USP12: variants seen among roughly 807,000 people sequenced by gnomAD.
USP12 encodes ubiquitin carboxyl-terminal hydrolase 12.
In USP12, 19 loss-of-function variants were observed where a neutral mutation model predicts 45.5. The observed-to-expected ratio is 0.42, with a 90% confidence interval of 0.29 to 0.61. The LOEUF (loss-of-function observed/expected upper bound fraction) is 0.61. Among genes scored for constraint, USP12 ranks in the 20% least tolerant of loss-of-function variants. The pLI is 0.22. For synonymous variants in USP12, 149 were observed against 148.8 expected, an observed-to-expected ratio of 1.00 and a Z score of -0.01; for missense variants, 242 against 447.7, an observed-to-expected ratio of 0.54 and a Z score of 4.15.
At position 27,067,756 on chromosome 13, in the gene USP12, C is replaced by T. The variant is rs1873063617; in HGVS notation, c.*1527G>A. 6.6e-6 allele frequency: 1 copy of T among 152,002 alleles called. No individual in the cohort carries two copies. The highest frequency in any genetic ancestry group is 2.4e-5 in the African/African-American group (1 of 41,394). 9.4% of individuals were successfully genotyped at this position (152,002 alleles called of 1,614,324 possible). A position where few individuals can be genotyped will look rare whatever the true frequency, so the allele number is the denominator to read the frequency against. On this transcript the variant is annotated 3_prime_UTR_variant, in exon 9 of 9. Transcript: ENST00000282344. ...ATGACAATTTTTTTTAAATTTACTG[C>T]CTGAAAAGAGTTTAATAAAGAACAT...
intron 6 of USP12, chr13:27,089,536 T>C (rs1874218079): frequency 5.6e-6 from 1 of 179,864 alleles, no homozygotes; most frequent in Non-Finnish European, 1.2e-5. Context: ...AAACTGGGGG[T>C]GTGGGGGATG....
chr13:27,118,207 G>A (rs1192663985), intron 1 of USP12, among the ~76,000 whole-genome samples: 1 of 151,768 alleles, frequency 6.6e-6, no homozygotes, highest in Non-Finnish European at 1.5e-5. Context: ...TGTTAGACAT[G>A]CATCTTCAAT....
At chr13:27,157,428 T>C (rs1355115607) in intron 1 of USP12, among the ~76,000 whole-genome samples, 1 of 152,200 alleles carries the variant, frequency 6.6e-6, no homozygotes, top group Non-Finnish European at 1.5e-5. Context: ...TCTCCCACTT[T>C]CCTTTACCCG....
At chr13:27,143,411 T>C (rs1255624395) in intron 1 of USP12, among the ~76,000 whole-genome samples, 3 of 152,100 alleles carry the variant, frequency 2.0e-5, no homozygotes, top group African/African-American at 7.2e-5. Flanking sequence ...CACTAGTTAA[T>C]GAGAAAAAGT....
At chr13:27,169,799 G>C (rs1472321991) in intron 1 of USP12, among the ~76,000 whole-genome samples, 3 of 152,164 alleles carry the variant, frequency 2.0e-5, no homozygotes, top group Admixed American at 6.5e-5. Context: ...TAAACACCAA[G>C]AAAACAGGGG....
At chr13:27,163,779 A>AAAG (rs1338447057) in intron 1 of USP12, among the ~76,000 whole-genome samples, 2 of 138,250 alleles carry the variant, frequency 1.4e-5, no homozygotes, top group African/African-American at 2.5e-5. Flanking sequence ...AAAAAAAAAA[A>AAAG]AAAAAAGAAA....
At chr13:27,126,481 A>G (rs1449444445) in intron 1 of USP12, among the ~76,000 whole-genome samples, 1 of 152,236 alleles carries the variant, frequency 6.6e-6, no homozygotes, top group Non-Finnish European at 1.5e-5. Context: ...GGGTATTTTC[A>G]TTATAGCTTT....
At chr13:27,103,759 AAAAG>A (rs1874993065) in intron 3 of USP12, among the ~76,000 whole-genome samples, 1 of 149,676 alleles carries the variant, frequency 6.7e-6, no homozygotes, top group Admixed American at 6.7e-5. Flanking sequence ...AAAAAAAAAA[AAAAG>A]AGAGAGAGAC....
chr13:27,078,586 A>G (rs1873601068), intron 6 of USP12, among the ~76,000 whole-genome samples: 1 of 151,890 alleles, frequency 6.6e-6, no homozygotes, highest in Admixed American at 6.6e-5. Flanking sequence ...CATACCATGT[A>G]AACACTAATC....
Position 27,105,934 on chromosome 13 carries a change from G to A in USP12, c.140C>T (p.Thr47Ile). The A allele has an allele frequency of 6.2e-7, 1 of 1,606,240 alleles. No homozygotes were observed. The highest frequency in any genetic ancestry group is 8.5e-7 in the Non-Finnish European group (1 of 1,177,904). ...TTGAAGAACTGAATTGCAGTAGCAG[G>A]TATTCCCAAACTGCAACAGAAAAAA... ...HYFGLVNFGNTCYCNSVLQAL... is the reference protein window; with the variant it reads ...HYFGLVNFGNICYCNSVLQAL... Residue 47 changes from threonine to isoleucine, a missense_variant, in exon 3 of 9, where the codon ACC becomes ATC. Coordinates refer to ENST00000282344, the MANE Select transcript of USP12 (RefSeq NM_182488.4).
intron 1 of USP12, among the ~76,000 whole-genome samples, chr13:27,167,443 T>C (rs974258358): frequency 5.3e-5 from 8 of 152,128 alleles, no homozygotes; most frequent in African/African-American, 1.7e-4. Flanking sequence ...AAAACTTCTA[T>C]TAATACTTCT....
At chr13:27,091,660 A>G (rs1406064211) in intron 4 of USP12, among the ~76,000 whole-genome samples, 2 of 152,206 alleles carry the variant, frequency 1.3e-5, no homozygotes, top group Non-Finnish European at 2.9e-5. Flanking sequence ...TCATCAGCAC[A>G]TGTGATAATA....
intron 3 of USP12, among the ~76,000 whole-genome samples, chr13:27,104,554 C>T (rs758502964): frequency 2.0e-5 from 3 of 152,108 alleles, no homozygotes; most frequent in Non-Finnish European, 2.9e-5. Context: ...AAAGTACATA[C>T]GTTTAGCTTT....
rs938770155 is a variant in USP12 at position 27,133,606 on chromosome 13, G to A, written c.49-17010C>T. ...ATCGCGCCACTGCGCTCCAGCCTGC[G>A]ACAGAGCAAGACTCTGTCTCAAAAA... On this transcript the variant is annotated intron_variant, in intron 1 of 8. Transcript: ENST00000282344. Among the ~76,000 whole-genome samples the A allele has an allele frequency of 5.1e-5, 7 of 137,256 alleles. No homozygotes were observed. In the South Asian group the frequency reaches 1.2e-3, roughly 23 times the overall value. The allele number at this position is 137,256 out of a possible 152,430, so 90.0% of individuals were successfully genotyped here. A position where few individuals can be genotyped will look rare whatever the true frequency, so the allele number is the denominator to read the frequency against.
At chr13:27,079,076 A>T (rs1593172409) in intron 6 of USP12, among the ~76,000 whole-genome samples, 1 of 152,050 alleles carries the variant, frequency 6.6e-6, no homozygotes, top group East Asian at 1.9e-4. Flanking sequence ...ACAGAACATC[A>T]CAAGGGAAAT....
chr13:27,087,043 T>C (rs1374185422), intron 6 of USP12, among the ~76,000 whole-genome samples: 1 of 151,904 alleles, frequency 6.6e-6, no homozygotes, highest in Non-Finnish European at 1.5e-5. Flanking sequence ...TGGGGCCAAA[T>C]AACACAGACA....
intron 1 of USP12, among the ~76,000 whole-genome samples, chr13:27,137,198 T>C (rs1876845581): frequency 6.6e-6 from 1 of 152,140 alleles, no homozygotes; most frequent in South Asian, 2.1e-4. Flanking sequence ...CAAAGGGTTG[T>C]CCAAGGAAGC....
rs1197994325 is a variant in USP12 at position 27,067,188 on chromosome 13, TTATGCAAATGACTTCATC to T, written c.*2077_*2094del. ...AACATAGTATTTCAATGCTGTACCT[TTATGCAAATGACTTCATC>T]TATCTTTCTTAAACATGTTGATATA... On this transcript the variant is annotated 3_prime_UTR_variant, in exon 9 of 9. Transcript: ENST00000282344. 1 of 152,198 alleles carries T rather than the reference TTATGCAAATGACTTCATC, an allele frequency of 6.6e-6. No homozygotes were observed. Among genetic ancestry groups the T allele is most frequent in the African/African-American group, 2.4e-5 (1 of 41,448 alleles). 9.4% of individuals were successfully genotyped at this position (152,198 alleles called of 1,614,324 possible).
chr13:27,151,517 A>G (rs1354260222), intron 1 of USP12, among the ~76,000 whole-genome samples: 3 of 152,102 alleles, frequency 2.0e-5, no homozygotes, highest in Non-Finnish European at 4.4e-5. Flanking sequence ...CAGGGTGGCT[A>G]ATGCCTGTAA....
Sources: allele counts gnomAD v4.1 joint callset (sites outside exome capture counted in the v4.1 genomes callset), GRCh38; gene constraint gnomAD v4.1.1; transcripts MANE v1.5; gene names NCBI Gene and HGNC (gene_info 2026-07-23, HGNC 2026-07-21).